Variants in NRIP1 observed in about 807,000 individuals in gnomAD.
NRIP1 encodes the protein nuclear receptor interacting protein 1, also known as nuclear receptor-interacting protein 1.
In NRIP1, 28 loss-of-function variants were observed where a neutral mutation model predicts 75.0. The observed-to-expected ratio is 0.37, with a 90% CI of 0.28 to 0.51. The LOEUF (loss-of-function observed/expected upper bound fraction) is 0.51, where lower values mean the gene tolerates loss of function less well. NRIP1 is among the 20% of genes least tolerant of loss of function. The probability of loss-of-function intolerance (pLI) is 0.92; values close to 1 mark genes in which losing one functional copy is unlikely to be tolerated. For synonymous variants in NRIP1, 526 were observed against 487.6 expected, an observed-to-expected ratio of 1.08 and a Z score of -1.04; for missense variants, 1,435 against 1,343.7, an observed-to-expected ratio of 1.07 and a Z score of -1.06.
intron 2 of NRIP1, among the ~76,000 whole-genome samples, chr21:15,015,230 T>A (rs1415133079): frequency 6.6e-6 from 1 of 152,182 alleles, no homozygotes; most frequent in East Asian, 1.9e-4. Context: ...ATTCATCTAT[T>A]GTGAAAGAAA....
intron 2 of NRIP1, among the ~76,000 whole-genome samples, chr21:15,034,639 C>T (rs1002427457): frequency 6.6e-6 from 1 of 152,086 alleles, no homozygotes; most frequent in Non-Finnish European, 1.5e-5. Flanking sequence ...AATCATCCAA[C>T]AAACATAATA....
intron 3 of NRIP1, among the ~76,000 whole-genome samples, chr21:15,000,360 T>C (rs748287158): frequency 1.3e-5 from 2 of 152,164 alleles, no homozygotes; most frequent in Non-Finnish European, 2.9e-5. Flanking sequence ...AACAAATGTT[T>C]ATTAAGCAGT....
At chr21:15,047,843 C>G (rs1405795559) in intron 1 of NRIP1, among the ~76,000 whole-genome samples, 5 of 152,222 alleles carry the variant, frequency 3.3e-5, no homozygotes, top group Non-Finnish European at 7.3e-5. Context: ...CACAAGAGGC[C>G]TAGCTTTCAG....
chr21:14,994,604 T>C (rs976693108), intron 3 of NRIP1, among the ~76,000 whole-genome samples: 1 of 152,202 alleles, frequency 6.6e-6, no homozygotes, highest in African/African-American at 2.4e-5. Flanking sequence ...GAATTTCAAA[T>C]GAACTTTGCT....
chr21:15,062,447 G>A (rs1296015681), intron 1 of NRIP1, among the ~76,000 whole-genome samples: 7 of 152,160 alleles, frequency 4.6e-5, no homozygotes, highest in African/African-American at 1.4e-4. Flanking sequence ...TTGAATCTCT[G>A]ATAACAACGC....
chr21:14,966,867 G>C lies in NRIP1; in HGVS notation c.1326C>G (p.Asp442Glu). ...ESSYSNCVPI[D>E]LSCKHRTEKS... ...TTTCAGTTCGGTGTTTGCAAGACAA[G>C]TCTATGGGAACACAGTTGGAATAAG... Residue 442 changes from aspartate to glutamate, a missense_variant, in exon 4 of 4, where the codon GAC (aspartate) becomes GAG (glutamate). Asp to Glu is a conservative substitution (Grantham distance 45). Coordinates refer to ENST00000318948, the MANE Select transcript of NRIP1 (RefSeq NM_003489.4). 6.2e-7 allele frequency: 1 copy of C among 1,614,076 alleles called. No individual in the cohort carries two copies. The highest frequency in any genetic ancestry group is 2.2e-5 in the East Asian group (1 of 44,862).
chr21:14,986,634 GT>G (rs796966170), intron 3 of NRIP1, among the ~76,000 whole-genome samples: 25 of 152,280 alleles, frequency 1.6e-4, no homozygotes, highest in African/African-American at 6.0e-4. Flanking sequence ...AAAATGCATA[GT>G]TAAGACACTC....
rs1431067112 is a variant in NRIP1, at chr21:14,968,023, G to A, written c.170C>T (p.Ala57Val). ...ACCATTACTTTGACAGGTGGGAAAT[G>A]CACTGCCAGAAATGTTAAAGTTCTG... Reference protein sequence around the residue: ...EDQNFNISGSAFPTCQSNGPV... With the variant: ...EDQNFNISGSVFPTCQSNGPV... Residue 57 changes from alanine to valine, a missense_variant, in exon 4 of 4, where the codon GCA becomes GTA. Coordinates refer to ENST00000318948, the MANE Select transcript of NRIP1 (RefSeq NM_003489.4). 6.2e-7 allele frequency: 1 copy of A among 1,614,060 alleles called. No individual in the cohort carries two copies. The highest frequency in any genetic ancestry group is 8.5e-7 in the Non-Finnish European group (1 of 1,180,002).
Position 14,967,101 on chromosome 21 carries a change from G to A in NRIP1, c.1092C>T (p.Asn364=). The A allele has an allele frequency of 6.2e-7, 1 of 1,614,062 alleles. No homozygotes were observed. Among genetic ancestry groups the A allele is most frequent in the Non-Finnish European group, 8.5e-7 (1 of 1,179,978 alleles). ...GTTTTATATTGTTTCTTTCCAGTGA[G>A]TTCTTATAACCTGCATTTTTAGGGG... is the stretch of plus-strand genomic sequence containing the variant. The part of the protein sequence containing the change: ...PSSPKNAGYK[N]SLERNNIKQA... Residue 364 remains asparagine, a synonymous_variant, in exon 4 of 4, where the codon AAC becomes AAT. Coordinates refer to ENST00000318948, the MANE Select transcript of NRIP1 (RefSeq NM_003489.4).
At chr21:15,053,086 C>A (rs1361941947) in intron 1 of NRIP1, among the ~76,000 whole-genome samples, 1 of 152,170 alleles carries the variant, frequency 6.6e-6, no homozygotes, top group Non-Finnish European at 1.5e-5. Context: ...CCTTTAGCAA[C>A]CCTAAACTTT....
chr21:15,033,589 G>A (rs2088762681), intron 2 of NRIP1, among the ~76,000 whole-genome samples: 1 of 152,184 alleles, frequency 6.6e-6, no homozygotes, highest in South Asian at 2.1e-4. Flanking sequence ...AACATGGAAT[G>A]TAAGTTTTAA....
chr21:15,050,831 A>G (rs567416950), intron 1 of NRIP1: 4 of 455,958 alleles, frequency 8.8e-6, no homozygotes, highest in Admixed American at 4.7e-5. Flanking sequence ...CCACAGCGAT[A>G]CCTCCTCTAC....
chr21:14,989,411 A>G (rs1379932300), intron 3 of NRIP1, among the ~76,000 whole-genome samples: 1 of 152,228 alleles, frequency 6.6e-6, no homozygotes, highest in Non-Finnish European at 1.5e-5. Context: ...GCCTCCCTTG[A>G]TGAAACTAAA....
intron 3 of NRIP1, chr21:14,987,899 A>C (rs1342938830): frequency 1.3e-5 from 2 of 152,248 alleles, no homozygotes; most frequent in African/African-American, 4.8e-5. Flanking sequence ...ATCCAAAACC[A>C]CGTCAAGGTC....
In NRIP1 at chr21:14,966,501, A is replaced by T; in HGVS notation, c.1692T>A (p.Ser564=). 1 of 1,614,124 alleles carries T rather than the reference A, an allele frequency of 6.2e-7. No individual in the cohort carries two copies. Among genetic ancestry groups the T allele is most frequent in the Non-Finnish European group, 8.5e-7 (1 of 1,179,982 alleles). The part of the protein sequence containing the change: ...PPLLTSSKAG[S]PINLSQHSLV... The stretch of plus-strand genomic sequence containing the variant: ...GAGAGTGTTGAGAGAGATTGATGGG[A>T]GACCCTGCTTTGCTTGATGTAAGTA... Residue 564 remains serine, a synonymous_variant, in exon 4 of 4, where the codon TCT becomes TCA. Transcript: ENST00000318948.
intron 3 of NRIP1, among the ~76,000 whole-genome samples, chr21:15,014,110 C>T (rs2088171702): frequency 6.6e-6 from 1 of 152,194 alleles, no homozygotes; most frequent in Non-Finnish European, 1.5e-5. Context: ...ACCTCTTTTA[C>T]TGTTTGATTA....
At chr21:15,016,321 A>T (rs968919309) in intron 2 of NRIP1, among the ~76,000 whole-genome samples, 4 of 152,198 alleles carry the variant, frequency 2.6e-5, no homozygotes, top group African/African-American at 9.7e-5. Context: ...TGTGATTCAC[A>T]CATCAACTTA....
In NRIP1 at chr21:14,962,358, A is replaced by G. The variant is rs1388506298; in HGVS notation, c.*2358T>C. ...TCTTCGTGGTCATGTTTATTTAAGT[A>G]TTACATATTCTCATTCCTTTGTTAA... On this transcript the variant is annotated 3_prime_UTR_variant, in exon 4 of 4. Transcript: ENST00000318948. 4 of 152,200 alleles carry G rather than the reference A, an allele frequency of 2.6e-5. No individual in the cohort carries two copies. The highest frequency in any genetic ancestry group is 6.6e-5 in the Admixed American group (1 of 15,188). 9.4% of individuals were successfully genotyped at this position (152,200 alleles called of 1,614,324 possible).
chr21:14,986,080 AGAT>A (rs1360393095), intron 3 of NRIP1, among the ~76,000 whole-genome samples: 2 of 152,206 alleles, frequency 1.3e-5, no homozygotes, highest in African/African-American at 4.8e-5. Flanking sequence ...TCATTGAAGC[AGAT>A]AATAATTATA....
Sources: gnomAD v4.1 joint callset for allele counts (sites outside exome capture counted in the v4.1 genomes callset) on GRCh38, gnomAD v4.1.1 for gene constraint, MANE v1.5 for transcripts, NCBI Gene and HGNC (gene_info 2026-07-23, HGNC 2026-07-21) for gene names.